NOVA1: variants seen among roughly 807,000 people sequenced by gnomAD.
NOVA1 encodes the protein RNA-binding protein Nova-1.
Under a neutral mutation model 38.0 loss-of-function variants are expected in NOVA1, and 7 were observed. That is an observed-to-expected ratio of 0.18 (90% confidence interval 0.10 to 0.35). The LOEUF is 0.35. Ranked by LOEUF, NOVA1 falls within the 10% of genes least tolerant of loss-of-function variation. NOVA1 has a pLI of 1.00. For synonymous variants in NOVA1, 270 were observed against 232.5 expected, an observed-to-expected ratio of 1.16 and a Z score of -1.47; for missense variants, 460 against 616.0, an observed-to-expected ratio of 0.75 and a Z score of 2.68.
At chr14:26,498,892 T>G (rs1887036941) in intron 2 of NOVA1, among the ~76,000 whole-genome samples, 1 of 152,134 alleles carries the variant, frequency 6.6e-6, no homozygotes, top group Admixed American at 6.6e-5. Context: ...TTGCCACAAC[T>G]TGGGTGGAAT....
chr14:26,525,720 G>C (rs1456899991), intron 2 of NOVA1, among the ~76,000 whole-genome samples: 1 of 152,030 alleles, frequency 6.6e-6, no homozygotes, highest in Non-Finnish European at 1.5e-5. Flanking sequence ...TCTCTCTTCA[G>C]GGGTCATTAT....
chr14:26,477,215 T>C (rs1203164349), intron 3 of NOVA1, among the ~76,000 whole-genome samples: 2 of 152,168 alleles, frequency 1.3e-5, no homozygotes, highest in Non-Finnish European at 2.9e-5. Context: ...ACAAACAAAT[T>C]AACAAGTGCT....
At chr14:26,529,273 G>A (rs1225353421) in intron 2 of NOVA1, among the ~76,000 whole-genome samples, 2 of 152,002 alleles carry the variant, frequency 1.3e-5, no homozygotes, top group Non-Finnish European at 2.9e-5. Flanking sequence ...AAGTAGCTGG[G>A]ATTACAAGCG....
intron 4 of NOVA1, among the ~76,000 whole-genome samples, chr14:26,449,677 G>C (rs2138557148): frequency 6.6e-6 from 1 of 152,106 alleles, no homozygotes; most frequent in Non-Finnish European, 1.5e-5. Flanking sequence ...ATATTACCTA[G>C]CTGCACTATC....
chr14:26,463,510 G>T (rs1311962958), intron 4 of NOVA1, among the ~76,000 whole-genome samples: 2 of 152,028 alleles, frequency 1.3e-5, no homozygotes, highest in Admixed American at 1.3e-4. Context: ...TCTGTAAATT[G>T]TCTTTTCATT....
intron 2 of NOVA1, among the ~76,000 whole-genome samples, chr14:26,529,581 T>C (rs911933687): frequency 6.6e-6 from 1 of 152,162 alleles, no homozygotes; most frequent in Admixed American, 6.5e-5. Context: ...TAAATGCAGG[T>C]AATCTGTATC....
intron 1 of NOVA1, chr14:26,596,008 T>C: frequency 3.1e-6 from 1 of 321,746 alleles, no homozygotes. Context: ...TATTTGTCAT[T>C]AGCAGACACA....
At chr14:26,551,492 C>T (rs888173443) in intron 2 of NOVA1, among the ~76,000 whole-genome samples, 5 of 151,988 alleles carry the variant, frequency 3.3e-5, no homozygotes, top group Non-Finnish European at 5.9e-5. Context: ...ACAAACTATG[C>T]ATTTCTGCAT....
At chr14:26,486,722 GCCAAAC>G (rs1885936132) in intron 2 of NOVA1, among the ~76,000 whole-genome samples, 1 of 59,420 alleles carries the variant, frequency 1.7e-5, no homozygotes, top group Non-Finnish European at 4.1e-5. Flanking sequence ...AAAAAAAAAA[GCCAAAC>G]AAACAAAAAA....
At chr14:26,484,431 A>G (rs1289447436) in intron 2 of NOVA1, among the ~76,000 whole-genome samples, 3 of 3,328 alleles carry the variant, frequency 9.0e-4, no homozygotes, top group Admixed American at 5.0e-3. Context: ...CCGTCTCGAA[A>G]AAAAAAAAAA....
rs376447991 is a variant in NOVA1, at chr14:26,552,275, C to T, written c.280+43135G>A. Among the ~76,000 whole-genome samples, 6 of 151,860 alleles carry T rather than the reference C, an allele frequency of 4.0e-5. No individual in the cohort carries two copies. In the South Asian group the frequency reaches 1.0e-3, roughly 26 times the overall value. On this transcript the variant is annotated intron_variant, in intron 2 of 4. Transcript: ENST00000539517. ...TGGAATAGAGTTCATGTAAGAACCA[C>T]GGAGAGAAGAAGAATAGGCACAGGA...
rs144526849 is a variant in NOVA1, at chr14:26,539,936, C to T, written c.280+55474G>A. On this transcript the variant is annotated intron_variant, in intron 2 of 4. Transcript: ENST00000539517. ...GCAAAAATAGCCTGCTGCAGAGTTA[C>T]TCCTCTTAGGAGGCCATTGTGTCCT... 8.5e-5 allele frequency among the ~76,000 whole-genome samples: 13 copies of T among 152,240 alleles called. No individual in the cohort carries two copies. In the East Asian group the frequency reaches 2.5e-3, roughly 29 times the overall value.
At position 26,448,999 on chromosome 14, in the gene NOVA1, T is replaced by A; in HGVS notation, c.520-36A>T. On this transcript the variant is annotated intron_variant, in intron 4 of 4. Coordinates refer to ENST00000539517, the MANE Select transcript of NOVA1 (RefSeq NM_002515.3). This position sits in a 1 kb window ranked among gnomAD's most constrained non-coding sequence, Gnocchi z 5.3. ...AAAAAATACGTATAAATAATACTTC[T>A]GTTTTGTGCATATACATTATATTAC... The A allele has an allele frequency of 6.5e-7, 1 of 1,543,800 alleles. No individual in the cohort carries two copies. Among genetic ancestry groups the A allele is most frequent in the Non-Finnish European group, 8.8e-7 (1 of 1,139,544 alleles).
At chr14:26,481,680 C>T (rs1276607227) in intron 2 of NOVA1, among the ~76,000 whole-genome samples, 1 of 152,008 alleles carries the variant, frequency 6.6e-6, no homozygotes, top group South Asian at 2.1e-4. Flanking sequence ...TAATGTGAGT[C>T]TGTGGGTTTA....
intron 2 of NOVA1, among the ~76,000 whole-genome samples, chr14:26,579,053 C>CTT (rs869075814): frequency 0.58 from 46,786 of 80,434 alleles, 16,339 homozygotes; most frequent in South Asian, 0.71. Context: ...AGGTGGTATT[C>CTT]TTTTTTTTTT....
chr14:26,496,740 T>C (rs968890838), intron 2 of NOVA1, among the ~76,000 whole-genome samples: 2 of 152,206 alleles, frequency 1.3e-5, no homozygotes, highest in Non-Finnish European at 2.9e-5. Flanking sequence ...GCACCATTTA[T>C]TAAATAGGAA....
chr14:26,579,391 A>T (rs1397926222), intron 2 of NOVA1, among the ~76,000 whole-genome samples: 4 of 152,054 alleles, frequency 2.6e-5, no homozygotes, highest in Admixed American at 1.3e-4. Flanking sequence ...TACCCTTCCA[A>T]ATATAAAACT....
chr14:26,486,294 T>C (rs1885881090), intron 2 of NOVA1, among the ~76,000 whole-genome samples: 1 of 152,182 alleles, frequency 6.6e-6, no homozygotes, highest in African/African-American at 2.4e-5. Context: ...CCACTTATTT[T>C]TGCTGTTTGC....
chr14:26,490,572 T>C (rs1886256444), intron 2 of NOVA1, among the ~76,000 whole-genome samples: 1 of 152,236 alleles, frequency 6.6e-6, no homozygotes, highest in Admixed American at 6.5e-5. Flanking sequence ...CGATTTGCAC[T>C]TTACTAATGA....
Sources: gnomAD v4.1 joint callset for allele counts (sites outside exome capture counted in the v4.1 genomes callset) on GRCh38, gnomAD v4.1.1 for gene constraint, Gnocchi (gnomAD v3.1) non-coding constraint, MANE v1.5 for transcripts, NCBI Gene and HGNC (gene_info 2026-07-23, HGNC 2026-07-21) for gene names.